The following RALGAPA1 variants were observed in gnomAD, a reference collection of about 807,000 sequenced individuals.
RALGAPA1 encodes the protein ral GTPase-activating protein subunit alpha-1.
Under a neutral mutation model 269.6 loss-of-function variants are expected in RALGAPA1, and 52 were observed. The ratio of observed to expected loss-of-function variants is 0.19; its 90% confidence interval spans 0.15 to 0.24. The LOEUF (loss-of-function observed/expected upper bound fraction) is 0.24. Ranked by LOEUF, RALGAPA1 falls within the 10% of genes least tolerant of loss-of-function variation. The pLI is 1.00. For missense variants in RALGAPA1, 1,917 were observed against 3,013.9 expected (o/e 0.64, Z 8.52); for synonymous variants, 817 against 1,008.3 (o/e 0.81, Z 3.60).
At chr14:35,607,168 A>G (rs1420968408) in intron 35 of RALGAPA1, among the ~76,000 whole-genome samples, 3 of 152,220 alleles carry the variant, frequency 2.0e-5, no homozygotes, top group Non-Finnish European at 2.9e-5. Flanking sequence ...ATATTCATTC[A>G]AGGAAACTCA....
At chr14:35,560,483 TC>T (rs2056103949) in intron 39 of RALGAPA1, among the ~76,000 whole-genome samples, 1 of 152,170 alleles carries the variant, frequency 6.6e-6, no homozygotes, top group Non-Finnish European at 1.5e-5. Context: ...GTAAAGCCAT[TC>T]CTCTAATTTC....
At chr14:35,800,803 G>A (rs550097367) in intron 1 of RALGAPA1, among the ~76,000 whole-genome samples, 3 of 152,274 alleles carry the variant, frequency 2.0e-5, no homozygotes, top group African/African-American at 7.2e-5. Flanking sequence ...TCAGGAGTTT[G>A]AGACCAGCCT....
At chr14:35,611,568 CA>C (rs1001599270) in intron 35 of RALGAPA1, among the ~76,000 whole-genome samples, 81 of 137,518 alleles carry the variant, frequency 5.9e-4, no homozygotes, top group Admixed American at 1.7e-3. Context: ...CCCGTCTCTA[CA>C]AAAAAAAAAA....
chr14:35,632,326 G>A (rs1474284089), intron 33 of RALGAPA1, among the ~76,000 whole-genome samples: 1 of 152,080 alleles, frequency 6.6e-6, no homozygotes, highest in African/African-American at 2.4e-5. Flanking sequence ...TGGAGATATC[G>A]ATGCTTCTAA....
chr14:35,633,185 A>G (rs1172672297), intron 33 of RALGAPA1, among the ~76,000 whole-genome samples: 1 of 152,212 alleles, frequency 6.6e-6, no homozygotes, highest in African/African-American at 2.4e-5. Context: ...TTGTTCAAGA[A>G]ACATACTATA....
At chr14:35,619,014 A>T (rs999602041) in intron 35 of RALGAPA1, among the ~76,000 whole-genome samples, 2 of 152,082 alleles carry the variant, frequency 1.3e-5, no homozygotes, top group African/African-American at 4.8e-5. Context: ...ACAACAGCAT[A>T]ATTTTAAATG....
intron 1 of RALGAPA1, among the ~76,000 whole-genome samples, chr14:35,786,357 C>T (rs967271668): frequency 6.6e-6 from 1 of 151,988 alleles, no homozygotes; most frequent in African/African-American, 2.4e-5. Context: ...ATCTGGTTAC[C>T]AGCCAGGCGC....
Position 35,721,729 on chromosome 14 carries a change from C to T in RALGAPA1, c.2225G>A (p.Gly742Glu). Residue 742 changes from glycine to glutamate, a missense_variant, in exon 16 of 42, where the codon GGA (glycine) becomes GAA (glutamate). This residue lies in a region of RALGAPA1 where 125 missense variants were observed against 155.7 expected (regional missense o/e 0.80). Transcript: ENST00000680220. Reference sequence around the variant, plus strand: ...TACTATACTCCTCGCCTTTTCGGTTCCTGGAGAACCAGTGGTTGTTGCACT... The same window carrying T: ...TACTATACTCCTCGCCTTTTCGGTTTCTGGAGAACCAGTGGTTGTTGCACT... Reference protein sequence around the residue: ...QRSATTTGSPGTEKARSIVRQ... With the variant: ...QRSATTTGSPETEKARSIVRQ... 1 of 1,613,836 alleles carries T rather than the reference C, an allele frequency of 6.2e-7. No homozygotes were observed. The highest frequency in any genetic ancestry group is 8.5e-7 in the Non-Finnish European group (1 of 1,179,910).
intron 16 of RALGAPA1, among the ~76,000 whole-genome samples, chr14:35,719,100 G>A (rs2069134242): frequency 6.6e-6 from 1 of 152,222 alleles, no homozygotes; most frequent in East Asian, 1.9e-4. Flanking sequence ...AGGCCAAGGT[G>A]GGTGGATCAC....
At chr14:35,741,962 C>T (rs1240716985) in intron 11 of RALGAPA1, among the ~76,000 whole-genome samples, 2 of 152,178 alleles carry the variant, frequency 1.3e-5, no homozygotes, top group Non-Finnish European at 2.9e-5. Context: ...AACACTGTAG[C>T]TTATGCTGGG....
intron 16 of RALGAPA1, among the ~76,000 whole-genome samples, chr14:35,709,090 G>A (rs1018248947): frequency 2.0e-5 from 3 of 152,018 alleles, no homozygotes; most frequent in African/African-American, 7.2e-5. Context: ...GTACAGTGGG[G>A]GAAAGGGTAA....
At chr14:35,612,577 C>T (rs1292597700) in intron 35 of RALGAPA1, among the ~76,000 whole-genome samples, 2 of 147,676 alleles carry the variant, frequency 1.4e-5, no homozygotes, top group Non-Finnish European at 1.5e-5. Flanking sequence ...CTTGCTCTGT[C>T]GCCCAGGCTG....
chr14:35,645,112 G>C (rs1054251436), intron 31 of RALGAPA1, among the ~76,000 whole-genome samples: 4 of 151,976 alleles, frequency 2.6e-5, no homozygotes, highest in African/African-American at 7.3e-5. Context: ...TATATGTGAG[G>C]GTCCTCTTTC....
chr14:35,611,881 CA>C (rs2059958747), intron 35 of RALGAPA1, among the ~76,000 whole-genome samples: 1 of 152,124 alleles, frequency 6.6e-6, no homozygotes, highest in Non-Finnish European at 1.5e-5. Flanking sequence ...TTCTTGATTT[CA>C]AAACTTGCTA....
chr14:35,541,397 T>C (rs1365320827), intron 41 of RALGAPA1, among the ~76,000 whole-genome samples: 1 of 152,158 alleles, frequency 6.6e-6, no homozygotes, highest in African/African-American at 2.4e-5. Context: ...AAAAAATATA[T>C]GTTTCCAAGG....
At chr14:35,595,343 A>T (rs1020394424) in intron 37 of RALGAPA1, among the ~76,000 whole-genome samples, 5 of 152,130 alleles carry the variant, frequency 3.3e-5, no homozygotes, top group Non-Finnish European at 7.4e-5. Context: ...GCTTCAATAT[A>T]GTAACCGTTT....
In RALGAPA1 at chr14:35,689,311, A is replaced by C; in HGVS notation, c.3100T>G (p.Ser1034Ala). The C allele has an allele frequency of 8.1e-7, 1 of 1,232,114 alleles. No individual in the cohort carries two copies. Among genetic ancestry groups the C allele is most frequent in the East Asian group, 3.2e-5 (1 of 31,686 alleles). 76.3% of individuals were successfully genotyped at this position (1,232,114 alleles called of 1,614,324 possible). The change falls in exon 18 of 42, where the codon TCT (serine) becomes GCT (alanine). Residue 1034 changes from serine to alanine, a missense_variant. Transcript: ENST00000680220. ...GTGTTTAGTTGCTTAGATTTTTCAG[A>C]AGTTTGTGTTCTAAAAAAACTGTCT... ...QSDSFFRTQT[S>A]EKSKQLNTDK...
chr14:35,769,588 G>T (rs1352679361), intron 4 of RALGAPA1, among the ~76,000 whole-genome samples: 4 of 151,418 alleles, frequency 2.6e-5, no homozygotes, highest in African/African-American at 9.7e-5. Context: ...TAAAAATAAA[G>T]TTGAAACCAT....
chr14:35,718,591 G>A (rs991337414), intron 16 of RALGAPA1, among the ~76,000 whole-genome samples: 12 of 151,998 alleles, frequency 7.9e-5, no homozygotes, highest in South Asian at 4.2e-4. Context: ...CGAGGTGGGC[G>A]GATCACCTAA....
Sources: gnomAD v4.1 joint callset for allele counts (sites outside exome capture counted in the v4.1 genomes callset) on GRCh38, gnomAD v4.1.1 for gene constraint, gnomAD v4.1.1 regional missense constraint, MANE v1.5 for transcripts, NCBI Gene and HGNC (gene_info 2026-07-23, HGNC 2026-07-21) for gene names.